Variants in CCDC102A observed in about 807,000 individuals in gnomAD.
CCDC102A encodes the protein coiled-coil domain containing 102A, also known as coiled-coil domain-containing protein 102A.
CCDC102A carries 40 observed loss-of-function variants against 55.5 expected under a neutral mutation model. That is an observed-to-expected ratio of 0.72 (90% CI 0.56 to 0.94). CCDC102A has a LOEUF of 0.94. CCDC102A is among the 40% of genes least tolerant of loss of function. The pLI is 0.00. For synonymous variants in CCDC102A, 323 were observed against 339.0 expected (o/e 0.95, Z 0.52); for missense variants, 779 against 768.6 (o/e 1.01, Z -0.16).
upstream of CCDC102A, among the ~76,000 whole-genome samples, chr16:57,536,838 C>T (rs1404539025): frequency 2.6e-5 from 4 of 152,266 alleles, no homozygotes; most frequent in South Asian, 2.1e-4. Flanking sequence ...CGGGGGGGCT[C>T]GGCTTTCTTG....
chr16:57,519,671 T>C (rs557555663), intron 4 of CCDC102A, among the ~76,000 whole-genome samples: 8 of 152,366 alleles, frequency 5.3e-5, no homozygotes, highest in African/African-American at 1.9e-4. Context: ...ATTGTACATT[T>C]GTGTTTCATT....
intron 5 of CCDC102A, 152 bp downstream of exon 5, chr16:57,518,473 C>G: frequency 2.5e-6 from 2 of 789,614 alleles, no homozygotes; most frequent in South Asian, 1.7e-5. Context: ...GGGAGAGAGG[C>G]CTGCCTCTTG....
chr16:57,525,692 G>A (rs1470175207), intron 3 of CCDC102A, among the ~76,000 whole-genome samples: 1 of 152,226 alleles, frequency 6.6e-6, no homozygotes, highest in Non-Finnish European at 1.5e-5. Context: ...CACAGTGCCT[G>A]GCCCAGAACA....
Position 57,512,512 on chromosome 16 carries a change from G to T in CCDC102A, c.*229C>A. The T allele has an allele frequency of 2.2e-6, 1 of 451,314 alleles. No individual in the cohort carries two copies. The allele number at this position is 451,314 out of a possible 1,614,324, so 28.0% of individuals were successfully genotyped here. A position where few individuals can be genotyped will look rare whatever the true frequency, so the allele number is the denominator to read the frequency against. On this transcript the variant is annotated 3_prime_UTR_variant, in exon 9 of 9. Coordinates refer to ENST00000258214, the MANE Select transcript of CCDC102A (RefSeq NM_033212.4). Reference sequence around the variant, plus strand: ...CAAATGGGTCCAAAGACTTCTGGGTGTGCGCGCGCGCGCGCGCGTGTGTGT... The same window carrying T: ...CAAATGGGTCCAAAGACTTCTGGGTTTGCGCGCGCGCGCGCGCGTGTGTGT...
At chr16:57,527,184 T>C (rs574473041) in intron 2 of CCDC102A, among the ~76,000 whole-genome samples, 4 of 152,058 alleles carry the variant, frequency 2.6e-5, no homozygotes, top group African/African-American at 4.8e-5. Context: ...GGGGCAGTCT[T>C]ATTTGGAGGA....
At chr16:57,527,153 G>A (rs1353644027) in intron 2 of CCDC102A, among the ~76,000 whole-genome samples, 1 of 140,676 alleles carries the variant, frequency 7.1e-6, no homozygotes, top group African/African-American at 3.0e-5. Flanking sequence ...CGGGATGGAG[G>A]GGGCTGGGCA....
At position 57,526,082 on chromosome 16, in the gene CCDC102A, A is replaced by C. The variant is rs1296427963; in HGVS notation, c.631T>G (p.Ser211Ala). 1.3e-6 allele frequency: 2 copies of C among 1,578,024 alleles called. No individual in the cohort carries two copies. The highest frequency in any genetic ancestry group is 8.6e-7 in the Non-Finnish European group (1 of 1,167,442). The change falls in exon 3 of 9, where the codon TCT becomes GCT. Residue 211 changes from serine (S) to alanine (A), a missense_variant. Coordinates refer to ENST00000258214, the MANE Select transcript of CCDC102A (RefSeq NM_033212.4). ...ESLLKSMPEE[S>A]EDCWEARSLG... is the part of the protein sequence containing the mutation. ...CTGCGCGCCTCCCAGCAGTCCTCAG[A>C]CTCCTCTGGCATGCTCTTCAGCAGG...
At chr16:57,518,005 C>T in intron 6 of CCDC102A, 63 bp downstream of exon 6, 1 of 1,502,146 alleles carries the variant, frequency 6.7e-7, no homozygotes, top group Non-Finnish European at 8.9e-7. Flanking sequence ...AGTAGGGAAG[C>T]TGCGCTCTGG....
intron 3 of CCDC102A, among the ~76,000 whole-genome samples, chr16:57,525,025 G>A (rs190157080): frequency 6.6e-6 from 1 of 152,266 alleles, no homozygotes; most frequent in East Asian, 1.9e-4. Context: ...TGGATCCTCT[G>A]ACCAGTTCCC....
At chr16:57,521,347 A>C (rs2032048695) in intron 3 of CCDC102A, among the ~76,000 whole-genome samples, 171 bp from the exon 4 acceptor site, 1 of 152,182 alleles carries the variant, frequency 6.6e-6, no homozygotes, top group African/African-American at 2.4e-5. Flanking sequence ...CTGGCTTTGC[A>C]GTTCTCCTGG....
intron 1 of CCDC102A, among the ~76,000 whole-genome samples, chr16:57,536,012 G>A (rs2032371860): frequency 1.3e-5 from 2 of 152,162 alleles, no homozygotes; most frequent in Admixed American, 1.3e-4. Context: ...ACCTAGCGAC[G>A]GGCGGAGGGT....
chr16:57,518,109 C>T lies in CCDC102A; in HGVS notation c.1207G>A (p.Asp403Asn), dbSNP rs1410385434. The T allele has an allele frequency of 1.2e-5, 20 of 1,607,520 alleles. No individual in the cohort carries two copies. The highest frequency in any genetic ancestry group is 4.4e-5 in the South Asian group (4 of 90,986). The change falls in exon 6 of 9, where the codon GAC (aspartate) becomes AAC (asparagine). Residue 403 changes from aspartate to asparagine, a missense_variant. By Grantham distance (23) the Asp-to-Asn change is conservative. Coordinates refer to ENST00000258214, the MANE Select transcript of CCDC102A (RefSeq NM_033212.4). ...AGCGCGGCCTGGCTGGCCCTCAGGTCGCAGTCCAGTGCGCTGGCTGTTTGC... is the reference window on the plus strand; with the variant it reads ...AGCGCGGCCTGGCTGGCCCTCAGGTTGCAGTCCAGTGCGCTGGCTGTTTGC... ...RRQTASALDC[D>N]LRASQAALFE...
At chr16:57,535,403 C>A (rs1217057134) in intron 1 of CCDC102A, among the ~76,000 whole-genome samples, 1 of 152,140 alleles carries the variant, frequency 6.6e-6, no homozygotes, top group African/African-American at 2.4e-5. Flanking sequence ...ACATATGGAC[C>A]AACTGAGGCC....
rs369591562 is a variant in CCDC102A at position 57,516,206 on chromosome 16, G to A, written c.1419+87C>T. ...AGGCTTGTGCCAGGCACCAGGGGCTGAGAATGGAGAAGCCAGGATGGCCCT... is the reference window on the plus strand; with the variant it reads ...AGGCTTGTGCCAGGCACCAGGGGCTAAGAATGGAGAAGCCAGGATGGCCCT... On this transcript the variant is annotated intron_variant, in intron 7 of 8. Coordinates refer to ENST00000258214, the MANE Select transcript of CCDC102A (RefSeq NM_033212.4). This position sits in a 1 kb window ranked among gnomAD's most constrained non-coding sequence, Gnocchi z 4.4. 2.1e-5 allele frequency: 29 copies of A among 1,378,066 alleles called. No individual in the cohort carries two copies. Among genetic ancestry groups the A allele is most frequent in the East Asian group, 1.7e-4 (7 of 42,356 alleles). The allele number at this position is 1,378,066 out of a possible 1,614,324, so 85.4% of individuals were successfully genotyped here.
At position 57,529,083 on chromosome 16, in the gene CCDC102A, A is replaced by G. The variant is rs2032203068; in HGVS notation, c.95T>C (p.Met32Thr). 1 of 1,168,220 alleles carries G rather than the reference A, an allele frequency of 8.6e-7. No individual in the cohort carries two copies. Among genetic ancestry groups the G allele is most frequent in the East Asian group, 3.9e-5 (1 of 25,866 alleles). 72.4% of individuals were successfully genotyped at this position (1,168,220 alleles called of 1,614,324 possible). The change falls in exon 2 of 9, where the codon ATG becomes ACG. Residue 32 changes from methionine (M) to threonine (T), a missense_variant. Physicochemically the swap from Met to Thr is moderately conservative, Grantham distance 81. Transcript: ENST00000258214. This position sits in a 1 kb window ranked among gnomAD's most constrained non-coding sequence, Gnocchi z 4.1. Reference sequence around the variant, plus strand: ...GGGCGGCAAGGAGTCGGCAGGCCCCATGCGCTCCGGCGACGGGCTGCCCAG... The same window carrying G: ...GGGCGGCAAGGAGTCGGCAGGCCCCGTGCGCTCCGGCGACGGGCTGCCCAG... The part of the protein sequence containing the change: ...TILGSPSPER[M>T]GPADSLPPTP...
Position 57,528,839 on chromosome 16 carries a change from A to G in CCDC102A, c.339T>C (p.Ala113=). 7.7e-7 allele frequency: 1 copy of G among 1,302,264 alleles called. No individual in the cohort carries two copies. Among genetic ancestry groups the G allele is most frequent in the Non-Finnish European group, 9.9e-7 (1 of 1,014,142 alleles). The allele number at this position is 1,302,264 out of a possible 1,614,324, so 80.7% of individuals were successfully genotyped here. A position where few individuals can be genotyped will look rare whatever the true frequency, so the allele number is the denominator to read the frequency against. ...CCTCCTCGCGCGCGCGGTTGCGCTC[A>G]GCGCGCACCTTGCTCCATTTCTCGC... ...NWREKWSKVR[A]ERNRAREEVR... is the part of the protein sequence containing the mutation. The change falls in exon 2 of 9, where the codon GCT becomes GCC. Residue 113 remains alanine, a synonymous_variant. Coordinates refer to ENST00000258214, the MANE Select transcript of CCDC102A (RefSeq NM_033212.4).
chr16:57,527,713 C>T (rs926480809), intron 2 of CCDC102A, among the ~76,000 whole-genome samples: 3 of 152,214 alleles, frequency 2.0e-5, no homozygotes, highest in Non-Finnish European at 2.9e-5. Context: ...AACCACCACG[C>T]CCAGCCCTTA....
chr16:57,512,938 CTGGT>C, intron 8 of CCDC102A, 68 bp from the exon 9 acceptor site: 4 of 1,431,638 alleles, frequency 2.8e-6, no homozygotes, highest in South Asian at 1.2e-5. Context: ...GTGGCTGCAG[CTGGT>C]GCTGGAGCAG....
Position 57,528,578 on chromosome 16 carries a change from G to C in CCDC102A, c.585+15C>G. On this transcript the variant is annotated intron_variant, in intron 2 of 8. Transcript: ENST00000258214. ...TTCGAGACTGGAGCGCGAACGCCCC[G>C]CCCGCGCCGCGCACCTGGCTGCCTG... 1.6e-6 allele frequency: 2 copies of C among 1,231,556 alleles called. No homozygotes were observed. Among genetic ancestry groups the C allele is most frequent in the South Asian group, 2.3e-5 (1 of 43,184 alleles). The allele number at this position is 1,231,556 out of a possible 1,614,324, so 76.3% of individuals were successfully genotyped here.
Sources: gnomAD v4.1 joint callset for allele counts (sites outside exome capture counted in the v4.1 genomes callset) on GRCh38, gnomAD v4.1.1 for gene constraint, Gnocchi (gnomAD v3.1) non-coding constraint, MANE v1.5 for transcripts, NCBI Gene and HGNC (gene_info 2026-07-23, HGNC 2026-07-21) for gene names.